TBL1X: variants seen among roughly 807,000 people sequenced by gnomAD.
The protein encoded by TBL1X is F-box-like/WD repeat-containing protein TBL1X.
TBL1X carries 10 observed loss-of-function variants against 50.7 expected under a neutral mutation model. The ratio of observed to expected loss-of-function variants is 0.20; its 90% CI spans 0.12 to 0.33. TBL1X has a LOEUF of 0.33. Ranked by LOEUF, TBL1X falls within the 10% of genes least tolerant of loss-of-function variation. The probability of loss-of-function intolerance (pLI) is 1.00; values close to 1 mark genes in which losing one functional copy is unlikely to be tolerated. For missense variants in TBL1X, 340 were observed against 504.4 expected (o/e 0.67, Z 3.12); for synonymous variants, 190 against 214.7 (o/e 0.88, Z 1.01).
intron 2 of TBL1X, among the ~76,000 whole-genome samples, chrX:9,616,449 G>A (rs2082639906): frequency 1.8e-5 from 2 of 111,643 alleles, no homozygotes; most frequent in African/African-American, 6.5e-5. Flanking sequence ...TTAAAAGACA[G>A]TACAGAGAAA....
chrX:9,695,340 C>CT lies in TBL1X; in HGVS notation c.1053+1925dup, dbSNP rs1363537110. On this transcript the variant is annotated intron_variant, in intron 11 of 17. Transcript: ENST00000645353. ...ATTCATTCATAATTGCTCTCCCTCT[C>CT]TTTTAAGCCAAGAAACCTTTCAGAC... 2.7e-5 allele frequency among the ~76,000 whole-genome samples: 3 copies of CT among 112,520 alleles called. No homozygotes were observed. The East Asian group carries it at 8.3e-4, about 31-fold the overall frequency.
intron 2 of TBL1X, among the ~76,000 whole-genome samples, chrX:9,633,788 T>G (rs1257909992): frequency 9.0e-6 from 1 of 111,698 alleles, no homozygotes; most frequent in Admixed American, 9.5e-5. Flanking sequence ...AAAAGTATCT[T>G]TAGGATTTCA....
At chrX:9,625,872 G>A (rs1205844541) in intron 2 of TBL1X, among the ~76,000 whole-genome samples, 1 of 112,269 alleles carries the variant, frequency 8.9e-6, no homozygotes, top group African/African-American at 3.2e-5. Context: ...CCGGCGGGGG[G>A]GCGGAGGTTA....
At chrX:9,679,035 T>C (rs1241349152) in intron 5 of TBL1X, among the ~76,000 whole-genome samples, 1 of 109,811 alleles carries the variant, frequency 9.1e-6, no homozygotes, top group African/African-American at 3.3e-5. Flanking sequence ...ATACTCTTTT[T>C]TTTCTCCCTG....
At chrX:9,469,016 C>T (rs1234505593) in intron 1 of TBL1X, among the ~76,000 whole-genome samples, 1 of 110,146 alleles carries the variant, frequency 9.1e-6, no homozygotes, top group Admixed American at 9.8e-5. Context: ...CACAGGCTCT[C>T]ACTGTGTTGC....
At chrX:9,601,398 G>A (rs900855026) in intron 2 of TBL1X, among the ~76,000 whole-genome samples, 3 of 111,248 alleles carry the variant, frequency 2.7e-5, no homozygotes, top group Non-Finnish European at 3.8e-5. Flanking sequence ...AAGATACAGG[G>A]GTAGCTGTTC....
intron 2 of TBL1X, among the ~76,000 whole-genome samples, chrX:9,526,607 A>G (rs752973178): frequency 9.0e-6 from 1 of 111,293 alleles, no homozygotes; most frequent in Non-Finnish European, 1.9e-5. Flanking sequence ...AAGGGACCAG[A>G]GAGTATGGAT....
chrX:9,533,025 C>G (rs973601286), intron 2 of TBL1X, among the ~76,000 whole-genome samples: 9 of 111,519 alleles, frequency 8.1e-5, no homozygotes, highest in African/African-American at 2.3e-4. Flanking sequence ...AGGGTTTCTT[C>G]TGGAAGTGAT....
intron 3 of TBL1X, among the ~76,000 whole-genome samples, chrX:9,652,863 A>AAAAG (rs1229097496): frequency 1.8e-5 from 2 of 109,866 alleles, no homozygotes; most frequent in East Asian, 2.8e-4. Context: ...AAAAAAAAAA[A>AAAAG]AAAGAAAGAA....
At position 9,692,253 on chromosome X, in the gene TBL1X, A is replaced by G; in HGVS notation, c.890A>G (p.Asn297Ser). ...SNKDVTSLDWNTNGTLLATGS... is the reference protein window; with the variant it reads ...SNKDVTSLDWSTNGTLLATGS... ...AAAGACGTCACCTCACTGGACTGGA[A>G]TGTAAGCATCTTCCACCCCCTGGGC... The change falls in exon 9 of 18, where the codon AAT becomes AGT. Residue 297 changes from asparagine to serine, a missense_variant and splice_region_variant. Asn to Ser is a conservative substitution (Grantham distance 46, BLOSUM62 1). This residue lies in a region of TBL1X where 170 missense variants were observed against 272.6 expected (regional missense o/e 0.62). Transcript: ENST00000645353. 1 of 1,173,924 alleles carries G rather than the reference A, an allele frequency of 8.5e-7. No individual in the cohort carries two copies. Among genetic ancestry groups the G allele is most frequent in the African/African-American group, 1.8e-5 (1 of 55,644 alleles).
chrX:9,555,770 A>G (rs918926288), intron 2 of TBL1X, among the ~76,000 whole-genome samples: 1 of 111,923 alleles, frequency 8.9e-6, no homozygotes, highest in African/African-American at 3.3e-5. Context: ...CTTGTTGAAG[A>G]TGAAATTAGG....
chrX:9,575,696 C>CT (rs1478993834), intron 2 of TBL1X, among the ~76,000 whole-genome samples: 6 of 112,119 alleles, frequency 5.4e-5, no homozygotes, highest in African/African-American at 1.9e-4. Flanking sequence ...AAGCCACTTA[C>CT]TACACGATTG....
chrX:9,521,512 T>G (rs755116831), intron 2 of TBL1X, among the ~76,000 whole-genome samples: 1 of 111,816 alleles, frequency 8.9e-6, no homozygotes, highest in Non-Finnish European at 1.9e-5. Context: ...GCCTTCTGTT[T>G]AAGAGCTTAT....
intron 1 of TBL1X, among the ~76,000 whole-genome samples, chrX:9,472,600 C>T (rs755647954): frequency 2.7e-5 from 3 of 110,550 alleles, no homozygotes; most frequent in Non-Finnish European, 3.8e-5. Context: ...CCAACATATA[C>T]TTTAATATGG....
intron 5 of TBL1X, among the ~76,000 whole-genome samples, chrX:9,676,537 A>G (rs2082995319): frequency 8.9e-6 from 1 of 112,295 alleles, no homozygotes; most frequent in Admixed American, 9.4e-5. Flanking sequence ...TCCAGGCCAG[A>G]TGTTATGGCA....
At chrX:9,520,478 G>T (rs767618513) in intron 2 of TBL1X, among the ~76,000 whole-genome samples, 7 of 111,059 alleles carry the variant, frequency 6.3e-5, no homozygotes, top group African/African-American at 2.3e-4. Context: ...GGAAGAGTGT[G>T]CCCCTAAGAG....
intron 16 of TBL1X, among the ~76,000 whole-genome samples, chrX:9,712,266 G>T (rs976839005): frequency 8.9e-6 from 1 of 112,705 alleles, no homozygotes; most frequent in Non-Finnish European, 1.9e-5. Flanking sequence ...GGAGTGGGAA[G>T]GAATGTGCTC....
At chrX:9,578,017 A>G (rs1022161823) in intron 2 of TBL1X, among the ~76,000 whole-genome samples, 3 of 112,046 alleles carry the variant, frequency 2.7e-5, no homozygotes, top group African/African-American at 9.7e-5. Context: ...CTGAAATTGA[A>G]TTTAGGGAAA....
At chrX:9,501,355 C>T (rs752958714) in intron 1 of TBL1X, among the ~76,000 whole-genome samples, 3 of 112,182 alleles carry the variant, frequency 2.7e-5, no homozygotes, top group Non-Finnish European at 5.6e-5. Flanking sequence ...TGGCATCCAT[C>T]GTCATAAGAG....
Sources: allele counts gnomAD v4.1 joint callset (sites outside exome capture counted in the v4.1 genomes callset), GRCh38; gene constraint gnomAD v4.1.1; regional missense constraint gnomAD v4.1.1; transcripts MANE v1.5; gene names NCBI Gene and HGNC (gene_info 2026-07-23, HGNC 2026-07-21).